Variants in PCDHAC1 observed in about 807,000 individuals in gnomAD.
PCDHAC1 encodes the protein protocadherin alpha subfamily C, 1, also known as protocadherin alpha-C1.
Under a neutral mutation model 60.0 loss-of-function variants are expected in PCDHAC1, and 42 were observed. The observed-to-expected ratio is 0.70, with a 90% CI of 0.55 to 0.90. PCDHAC1 has a LOEUF of 0.90. Ranked by LOEUF, PCDHAC1 falls within the 40% of genes least tolerant of loss-of-function variation. PCDHAC1 has a pLI of 0.00. For synonymous variants in PCDHAC1, 468 were observed against 499.3 expected, an observed-to-expected ratio of 0.94 and a Z score of 0.84; for missense variants, 1,160 against 1,222.3, an observed-to-expected ratio of 0.95 and a Z score of 0.76.
chr5:140,967,974 G>A (rs782644202), intron 1 of PCDHAC1: 3 of 1,614,204 alleles, frequency 1.9e-6, no homozygotes, highest in South Asian at 1.1e-5. Flanking sequence ...GTGAGCCTGG[G>A]TCTGGAGGCC....
At chr5:140,971,807 T>C in intron 1 of PCDHAC1, among the ~76,000 whole-genome samples, 1 of 152,270 alleles carries the variant, frequency 6.6e-6, no homozygotes, top group Middle Eastern at 3.4e-3. Context: ...TATTATAATA[T>C]TGAATACATA....
intron 3 of PCDHAC1, among the ~76,000 whole-genome samples, chr5:140,997,720 G>A (rs973128921): frequency 3.3e-5 from 5 of 151,568 alleles, no homozygotes; most frequent in East Asian, 1.9e-4. Context: ...ACCTTTCTAC[G>A]TCAGTACATA....
At chr5:140,948,866 G>A (rs552659179) in intron 1 of PCDHAC1, among the ~76,000 whole-genome samples, 32 of 151,022 alleles carry the variant, frequency 2.1e-4, no homozygotes, top group Non-Finnish European at 2.5e-4. Context: ...ATATTACTTC[G>A]GGTTTACTTT....
chr5:140,971,958 CT>C (rs1176007834), intron 1 of PCDHAC1, among the ~76,000 whole-genome samples: 2 of 152,172 alleles, frequency 1.3e-5, no homozygotes, highest in African/African-American at 2.4e-5. Context: ...ACTCCAAAAA[CT>C]TTTTTTCAAT....
Position 140,927,596 on chromosome 5 carries a change from G to A in PCDHAC1, c.704G>A (p.Arg235His), listed in dbSNP as rs374002981. ...DTNDNAPVFE[R>H]SVYRTKVPET... ...AATGACAACGCGCCTGTATTTGAGC[G>A]CTCCGTATACCGCACCAAGGTTCCA... is the stretch of plus-strand genomic sequence containing the variant. The change falls in exon 1 of 4, where the codon CGC becomes CAC. Residue 235 changes from arginine (R) to histidine (H), a missense_variant. Arg to His is a conservative substitution (Grantham distance 29). Around this residue, in one of 3 missense-constraint regions of PCDHAC1, gnomAD observed 1,113 missense variants for 1,163.7 expected, o/e 0.96. Coordinates refer to ENST00000253807, the MANE Select transcript of PCDHAC1 (RefSeq NM_018898.5). 4 of 1,614,044 alleles carry A rather than the reference G, an allele frequency of 2.5e-6. No individual in the cohort carries two copies. The highest frequency in any genetic ancestry group is 2.7e-5 in the African/African-American group (2 of 74,924).
chr5:140,961,247 C>T (rs527974851), intron 1 of PCDHAC1, among the ~76,000 whole-genome samples: 6 of 152,070 alleles, frequency 3.9e-5, no homozygotes, highest in East Asian at 1.9e-4. Flanking sequence ...GGAATTTATC[C>T]GAAGCTCCAG....
chr5:140,969,221 C>T, intron 1 of PCDHAC1: 2 of 1,614,158 alleles, frequency 1.2e-6, no homozygotes, highest in Non-Finnish European at 1.7e-6. Context: ...AGGACCAGGG[C>T]CTTCGGGAGC....
At chr5:140,978,572 A>T (rs1322135580) in intron 1 of PCDHAC1, among the ~76,000 whole-genome samples, 2 of 152,234 alleles carry the variant, frequency 1.3e-5, no homozygotes, top group Non-Finnish European at 2.9e-5. Flanking sequence ...GTAATACTGA[A>T]TTGGGAATGT....
chr5:140,928,616 G>A lies in PCDHAC1; in HGVS notation c.1724G>A (p.Arg575Lys). 2 of 1,614,226 alleles carry A rather than the reference G, an allele frequency of 1.2e-6. No homozygotes were observed. The highest frequency in any genetic ancestry group is 8.5e-7 in the Non-Finnish European group (1 of 1,180,038). The change falls in exon 1 of 4, where the codon AGG (arginine) becomes AAG (lysine). Residue 575 changes from arginine (R) to lysine (K), a missense_variant. Physicochemically the swap from Arg to Lys is conservative, Grantham distance 26. Around this residue, in one of 3 missense-constraint regions of PCDHAC1, gnomAD observed 1,113 missense variants for 1,163.7 expected, o/e 0.96. Transcript: ENST00000253807. ...GTGGAAATTGTGCCCCGCTCTGCCA[G>A]GACTGGACACTTGGTCACAAAAGTG... Reference protein sequence around the residue: ...VPVEIVPRSARTGHLVTKVVA... With the variant: ...VPVEIVPRSAKTGHLVTKVVA...
In PCDHAC1 at chr5:140,934,078, G is replaced by A. The variant is rs13188437; in HGVS notation, c.2433+4753G>A. On this transcript the variant is annotated intron_variant, in intron 1 of 3. Transcript: ENST00000253807. ...GGCTAACTTTTGGTGTTTTGGGTTC[G>A]CTTTGTTGTATGTTTGCTTTCTATT... is the stretch of plus-strand genomic sequence containing the variant. 1.4e-3 allele frequency among the ~76,000 whole-genome samples: 217 copies of A among 151,620 alleles called. 1 individual carries two copies. Among genetic ancestry groups the A allele is most frequent in the African/African-American group, 4.8e-3 (200 of 41,380 alleles).
chr5:140,967,228 G>A (rs1316363900), intron 1 of PCDHAC1: 3 of 1,613,652 alleles, frequency 1.9e-6, no homozygotes, highest in Non-Finnish European at 2.5e-6. Flanking sequence ...CCAACTACCA[G>A]CTTCAGGTAA....
intron 1 of PCDHAC1, among the ~76,000 whole-genome samples, chr5:140,978,653 G>T (rs527551897): frequency 6.6e-6 from 1 of 152,196 alleles, no homozygotes; most frequent in Non-Finnish European, 1.5e-5. Flanking sequence ...TGTTCTTCCC[G>T]TAGTGTTTTA....
Position 140,928,607 on chromosome 5 carries a change from G to T in PCDHAC1, c.1715G>T (p.Arg572Leu). The T allele has an allele frequency of 1.2e-6, 2 of 1,614,188 alleles. No individual in the cohort carries two copies. The highest frequency in any genetic ancestry group is 1.7e-6 in the Non-Finnish European group (2 of 1,180,026). Reference protein sequence around the residue: ...NGSVPVEIVPRSARTGHLVTK... With the variant: ...NGSVPVEIVPLSARTGHLVTK... The stretch of plus-strand genomic sequence containing the variant: ...TCTGTCCCAGTGGAAATTGTGCCCC[G>T]CTCTGCCAGGACTGGACACTTGGTC... The change falls in exon 1 of 4, where the codon CGC (arginine) becomes CTC (leucine). Residue 572 changes from arginine (R) to leucine (L), a missense_variant. Physicochemically the swap from Arg to Leu is moderately radical, Grantham distance 102. Coordinates refer to ENST00000253807, the MANE Select transcript of PCDHAC1 (RefSeq NM_018898.5).
chr5:140,977,340 G>T (rs2096757114), intron 1 of PCDHAC1, among the ~76,000 whole-genome samples: 1 of 152,198 alleles, frequency 6.6e-6, no homozygotes, highest in African/African-American at 2.4e-5. Context: ...GAGAGACGGT[G>T]ATGATGACTG....
intron 3 of PCDHAC1, among the ~76,000 whole-genome samples, chr5:140,996,834 A>G (rs527764387): frequency 1.7e-4 from 26 of 152,374 alleles, no homozygotes; most frequent in Middle Eastern, 3.4e-3. Flanking sequence ...CCAATAATTT[A>G]GCGTGCATCT....
At chr5:140,997,420 G>A (rs1300822693) in intron 3 of PCDHAC1, among the ~76,000 whole-genome samples, 4 of 152,042 alleles carry the variant, frequency 2.6e-5, no homozygotes, top group African/African-American at 9.7e-5. Flanking sequence ...TTTCTCCTAG[G>A]CTACAAACCT....
chr5:140,934,625 A>G (rs1554210030), intron 1 of PCDHAC1, among the ~76,000 whole-genome samples: 1 of 152,116 alleles, frequency 6.6e-6, no homozygotes, highest in Non-Finnish European at 1.5e-5. Context: ...GGTACAGTTC[A>G]CACAGGAAAG....
intron 1 of PCDHAC1, among the ~76,000 whole-genome samples, chr5:140,957,264 A>G (rs1554222901): frequency 1.3e-5 from 2 of 152,198 alleles, no homozygotes; most frequent in African/African-American, 2.4e-5. Flanking sequence ...ATATGTAAGC[A>G]CTAGTCCCCC....
chr5:140,968,637 T>C, intron 1 of PCDHAC1: 1 of 1,614,208 alleles, frequency 6.2e-7, no homozygotes. Flanking sequence ...TTTTACCATC[T>C]AGCCCAGACT....
Sources: allele counts gnomAD v4.1 joint callset (sites outside exome capture counted in the v4.1 genomes callset), GRCh38; gene constraint gnomAD v4.1.1; regional missense constraint gnomAD v4.1.1; transcripts MANE v1.5; gene names NCBI Gene and HGNC (gene_info 2026-07-23, HGNC 2026-07-21).